The following RSAD1 variants were observed in gnomAD, a reference collection of about 807,000 sequenced individuals.
The protein encoded by RSAD1 is radical S-adenosyl methionine domain containing 1.
In RSAD1, 34 loss-of-function variants were observed where a neutral mutation model predicts 46.2. That is an observed-to-expected ratio of 0.74 (90% CI 0.56 to 0.98). The LOEUF (loss-of-function observed/expected upper bound fraction) is 0.98, where lower values mean the gene tolerates loss of function less well. RSAD1 is among the 50% of genes least tolerant of loss of function. RSAD1 has a pLI of 0.00. For synonymous variants in RSAD1, 260 were observed against 253.5 expected (o/e 1.03, Z -0.24); for missense variants, 635 against 592.3 (o/e 1.07, Z -0.75).
At chr17:50,483,537 G>T (rs1345086233) in intron 6 of RSAD1, 50 bp downstream of exon 6, 24 of 1,601,692 alleles carry the variant, frequency 1.5e-5, no homozygotes, top group Non-Finnish European at 2.0e-5. Context: ...CACACCCCAA[G>T]ACCATGTCTA....
At chr17:50,482,484 T>C in intron 4 of RSAD1, 28 bp downstream of exon 4, 1 of 1,599,356 alleles carries the variant, frequency 6.3e-7, no homozygotes, top group Non-Finnish European at 8.5e-7. Context: ...TGGCTGGAGG[T>C]GGAGGATGGG....
Position 50,478,991 on chromosome 17 carries a change from C to G in RSAD1, c.107C>G (p.Ala36Gly). ...GGAGGGTCCCCGAGTCCTGAGCCTG[C>G]GGGCCGGCGCGCGGCGCTTTACGTA... ...NAGGSPSPEP[A>G]GRRAALYVHW... Residue 36 changes from alanine (A) to glycine (G), a missense_variant, in exon 1 of 9, where the codon GCG becomes GGG. By Grantham distance (60) the Ala-to-Gly change is moderately conservative (BLOSUM62 0). Coordinates refer to ENST00000258955, the MANE Select transcript of RSAD1 (RefSeq NM_018346.3). The G allele has an allele frequency of 3.6e-6, 5 of 1,377,784 alleles. No homozygotes were observed. Among genetic ancestry groups the G allele is most frequent in the Non-Finnish European group, 4.7e-6 (5 of 1,071,776 alleles). The allele number at this position is 1,377,784 out of a possible 1,614,324, so 85.3% of individuals were successfully genotyped here.
Position 50,478,897 on chromosome 17 carries a change from G to C in RSAD1, c.13G>C (p.Gly5Arg). Residue 5 changes from glycine to arginine, a missense_variant, in exon 1 of 9, where the codon GGA (glycine) becomes CGA (arginine). Physicochemically the swap from Gly to Arg is moderately radical, Grantham distance 125. Coordinates refer to ENST00000258955, the MANE Select transcript of RSAD1 (RefSeq NM_018346.3). MALPGARARGWAAAA... is the reference protein window; with the variant it reads MALPRARARGWAAAA... ...TGCGCTGGGCGCCATGGCGCTCCCC[G>C]GAGCCCGGGCTCGCGGCTGGGCGGC... is the stretch of plus-strand genomic sequence containing the variant. The C allele has an allele frequency of 7.6e-7, 1 of 1,312,440 alleles. No individual in the cohort carries two copies. The highest frequency in any genetic ancestry group is 9.6e-7 in the Non-Finnish European group (1 of 1,038,388). The allele number at this position is 1,312,440 out of a possible 1,614,324, so 81.3% of individuals were successfully genotyped here. A position where few individuals can be genotyped will look rare whatever the true frequency, so the allele number is the denominator to read the frequency against.
rs770081083 is a variant in RSAD1 at position 50,482,280 on chromosome 17, C to T, written c.664C>T (p.His222Tyr). 5.6e-6 allele frequency: 9 copies of T among 1,596,140 alleles called. No homozygotes were observed. Among genetic ancestry groups the T allele is most frequent in the Non-Finnish European group, 6.8e-6 (8 of 1,169,164 alleles). The change falls in exon 4 of 9, where the codon CAC (histidine) becomes TAC (tyrosine). Residue 222 changes from histidine (H) to tyrosine (Y), a missense_variant. By Grantham distance (83) the His-to-Tyr change is moderately conservative. Transcript: ENST00000258955. ...LQELLHHCDDHLSLYQLSLER... is the reference protein window; with the variant it reads ...LQELLHHCDDYLSLYQLSLER... ...GGAACTGCTGCACCACTGTGATGAC[C>T]ACCTCTCCCTCTACCAGCTGTCCCT...
chr17:50,482,897 C>T (rs2143835739), intron 5 of RSAD1, among the ~76,000 whole-genome samples, 191 bp downstream of exon 5: 1 of 152,198 alleles, frequency 6.6e-6, no homozygotes, highest in African/African-American at 2.4e-5. Flanking sequence ...CTAGGGTTCT[C>T]AGCCTTTAGT....
intron 7 of RSAD1, 62 bp downstream of exon 7, chr17:50,483,822 T>TCCCTGCCA: frequency 6.9e-7 from 1 of 1,450,092 alleles, no homozygotes; most frequent in Non-Finnish European, 9.4e-7. Flanking sequence ...CAATGCCCCC[T>TCCCTGCCA]CCCTGCCACC....
Position 50,482,711 on chromosome 17 carries a change from G to A in RSAD1, c.904+5G>A, listed in dbSNP as rs1303581448. On this transcript the variant is annotated splice_donor_5th_base_variant and intron_variant, in intron 5 of 8. Transcript: ENST00000258955. ...AGTACCTTGGCGTTGGGCCTGGTGA[G>A]TCCCGTGAACTACAGAAAGGGTGAC... is the stretch of plus-strand genomic sequence containing the variant. 1.2e-6 allele frequency: 2 copies of A among 1,613,546 alleles called. No individual in the cohort carries two copies. Among genetic ancestry groups the A allele is most frequent in the South Asian group, 2.2e-5 (2 of 90,996 alleles).
At position 50,482,154 on chromosome 17, in the gene RSAD1, A is replaced by G. The variant is rs1248109425; in HGVS notation, c.538A>G (p.Thr180Ala). ...RTHSACDALRTLAEARRLFPG... is the reference protein window; with the variant it reads ...RTHSACDALRALAEARRLFPG... ...GCACTCGGCCTGCGATGCTCTGCGG[A>G]CGCTGGCAGAGGCCCGGCGCCTCTT... The change falls in exon 4 of 9, where the codon ACG (threonine) becomes GCG (alanine). Residue 180 changes from threonine (T) to alanine (A), a missense_variant. By Grantham distance (58) the Thr-to-Ala change is moderately conservative. Coordinates refer to ENST00000258955, the MANE Select transcript of RSAD1 (RefSeq NM_018346.3). The G allele has an allele frequency of 1.3e-5, 21 of 1,590,692 alleles. No individual in the cohort carries two copies. Among genetic ancestry groups the G allele is most frequent in the Non-Finnish European group, 1.8e-5 (21 of 1,165,424 alleles).
rs748630297 is a variant in RSAD1 at position 50,479,978 on chromosome 17, C to T, written c.368C>T (p.Pro123Leu). 6.2e-7 allele frequency: 1 copy of T among 1,614,212 alleles called. No individual in the cohort carries two copies. Among genetic ancestry groups the T allele is most frequent in the Non-Finnish European group, 8.5e-7 (1 of 1,180,036 alleles). Residue 123 changes from proline (P) to leucine (L), a missense_variant, in exon 3 of 9, where the codon CCT (proline) becomes CTT (leucine). Physicochemically the swap from Pro to Leu is moderately conservative, Grantham distance 98. Transcript: ENST00000258955. ...LEAVAQAAHLPADLEVTLEAN... is the reference protein window; with the variant it reads ...LEAVAQAAHLLADLEVTLEAN... ...GCTGTGGCACAGGCAGCCCACCTGC[C>T]TGCAGACTTGGAAGTCACATTGGAG...
intron 1 of RSAD1, 196 bp from the exon 2 acceptor site, chr17:50,479,433 G>A (rs1005827664): frequency 1.6e-6 from 1 of 613,082 alleles, no homozygotes; most frequent in Admixed American, 3.5e-5. Flanking sequence ...AAAGGAGTGA[G>A]CCTCAGTTTT....
chr17:50,484,646 A>G, intron 8 of RSAD1, 98 bp from the exon 9 acceptor site: 1 of 1,517,172 alleles, frequency 6.6e-7, no homozygotes, highest in Non-Finnish European at 9.1e-7. Flanking sequence ...CTGACTGGTA[A>G]GGCGGGACCT....
chr17:50,484,638 G>T, intron 8 of RSAD1, 93 bp downstream of exon 8: 1 of 1,525,152 alleles, frequency 6.6e-7, no homozygotes, highest in South Asian at 1.1e-5. Context: ...GAGAAAGACT[G>T]ACTGGTAAGG....
chr17:50,484,266 A>G (rs965427939), intron 7 of RSAD1, 176 bp from the exon 8 acceptor site: 73 of 585,512 alleles, frequency 1.2e-4, no homozygotes, highest in Admixed American at 3.0e-5. Context: ...TCAGTGGAAT[A>G]GGAGTGAAGC....
intron 3 of RSAD1, among the ~76,000 whole-genome samples, chr17:50,481,472 A>C (rs150063765): frequency 1.7e-3 from 263 of 152,372 alleles, no homozygotes; most frequent in African/African-American, 6.1e-3. Flanking sequence ...GTGGTAAGTT[A>C]AGTTTAATTC....
chr17:50,481,637 G>T lies in RSAD1; in HGVS notation c.475-454G>T, dbSNP rs181433133. Among the ~76,000 whole-genome samples the T allele has an allele frequency of 1.3e-3, 193 of 152,290 alleles. 1 individual carries two copies. Among genetic ancestry groups the T allele is most frequent in the African/African-American group, 4.4e-3 (183 of 41,562 alleles). Reference sequence around the variant, plus strand: ...ATAATAACAGGTATGTATGTTTAAAGAGAAACAAATATGGACAAATGGTGA... The same window carrying T: ...ATAATAACAGGTATGTATGTTTAAATAGAAACAAATATGGACAAATGGTGA... On this transcript the variant is annotated intron_variant, in intron 3 of 8. Transcript: ENST00000258955.
chr17:50,483,079 C>T lies in RSAD1; in HGVS notation c.905-261C>T, dbSNP rs191556217. ...GAAAAAAGGGCCTGGTGTCATGTGC[C>T]TCTAATCTGAGCTACTTGGGAAGCT... On this transcript the variant is annotated intron_variant, in intron 5 of 8. Transcript: ENST00000258955. 1.9e-3 allele frequency among the ~76,000 whole-genome samples: 276 copies of T among 144,416 alleles called. 2 individuals carry two copies. The highest frequency in any genetic ancestry group is 6.3e-3 in the African/African-American group (247 of 38,902). The allele number at this position is 144,416 out of a possible 152,430, so 94.7% of individuals were successfully genotyped here.
intron 6 of RSAD1, 72 bp from the exon 7 acceptor site, chr17:50,483,634 C>A: frequency 6.3e-7 from 1 of 1,596,838 alleles, no homozygotes; most frequent in Non-Finnish European, 8.6e-7. Context: ...TAAATGCATC[C>A]CAGTGTAGAA....
Position 50,478,953 on chromosome 17 carries a change from C to A in RSAD1, c.69C>A (p.Arg23=). Residue 23 remains arginine (R), a synonymous_variant, in exon 1 of 9, where the codon CGC becomes CGA. Transcript: ENST00000258955. ...CCAGAGCGGCCCAGAGGCGCCGCCG[C>A]GTGGAGAACGCAGGAGGGTCCCCGA... ...AAARAAQRRR[R]VENAGGSPSP... 7.2e-7 allele frequency: 1 copy of A among 1,392,866 alleles called. No homozygotes were observed. The highest frequency in any genetic ancestry group is 9.3e-7 in the Non-Finnish European group (1 of 1,079,096). The allele number at this position is 1,392,866 out of a possible 1,614,324, so 86.3% of individuals were successfully genotyped here.
Position 50,478,997 on chromosome 17 carries a change from G to A in RSAD1, c.113G>A (p.Arg38Gln). The A allele has an allele frequency of 1.5e-6, 2 of 1,372,334 alleles. No homozygotes were observed. The highest frequency in any genetic ancestry group is 1.8e-5 in the South Asian group (1 of 55,470). 85.0% of individuals were successfully genotyped at this position (1,372,334 alleles called of 1,614,324 possible). A position where few individuals can be genotyped will look rare whatever the true frequency, so the allele number is the denominator to read the frequency against. ...GGSPSPEPAG[R>Q]RAALYVHWPY... ...TCCCCGAGTCCTGAGCCTGCGGGCCGGCGCGCGGCGCTTTACGTACACGTG... is the reference window on the plus strand; with the variant it reads ...TCCCCGAGTCCTGAGCCTGCGGGCCAGCGCGCGGCGCTTTACGTACACGTG... The change falls in exon 1 of 9, where the codon CGG becomes CAG. Residue 38 changes from arginine (R) to glutamine (Q), a missense_variant. Arg to Gln is a conservative substitution (Grantham distance 43, BLOSUM62 1). Coordinates refer to ENST00000258955, the MANE Select transcript of RSAD1 (RefSeq NM_018346.3).
Sources: allele counts gnomAD v4.1 joint callset (sites outside exome capture counted in the v4.1 genomes callset), GRCh38; gene constraint gnomAD v4.1.1; transcripts MANE v1.5; gene names NCBI Gene and HGNC (gene_info 2026-07-23, HGNC 2026-07-21).